Variants in STARD13 observed in about 807,000 individuals in gnomAD.
STARD13 encodes stAR-related lipid transfer protein 13.
A neutral mutation model predicts 106.4 loss-of-function variants in STARD13; 62 were observed. The ratio of observed to expected loss-of-function variants is 0.58; its 90% CI spans 0.48 to 0.72. The LOEUF (loss-of-function observed/expected upper bound fraction) is 0.72, where lower values mean the gene tolerates loss of function less well. Among genes scored for constraint, STARD13 ranks in the 30% least tolerant of loss-of-function variants. The pLI, the probability that STARD13 is intolerant of heterozygous loss-of-function variation, is 0.00. For synonymous variants in STARD13, 565 were observed against 553.0 expected (o/e 1.02, Z -0.31); for missense variants, 1,387 against 1,424.0 (o/e 0.97, Z 0.42).
the STARD13 span, among the ~76,000 whole-genome samples, chr13:33,418,653 C>G: frequency 6.6e-6 from 1 of 152,202 alleles, no homozygotes; most frequent in Non-Finnish European, 1.5e-5. Flanking sequence ...GGTCCCTGAC[C>G]CCCGTGTAGC....
chr13:33,659,350 C>T, the STARD13 span, among the ~76,000 whole-genome samples: 5 of 151,442 alleles, frequency 3.3e-5, no homozygotes, highest in Admixed American at 1.3e-4. Context: ...TGAGTAGCTG[C>T]GACTACAGGC....
the STARD13 span, among the ~76,000 whole-genome samples, chr13:33,630,493 ATTGCGTACC>A: frequency 2.6e-5 from 4 of 152,178 alleles, no homozygotes; most frequent in Admixed American, 2.6e-4. Context: ...AGAGGTGTAG[ATTGCGTACC>A]TTGCGTGCAG....
At chr13:33,528,224 GTGTATATATATATA>G in the STARD13 span, among the ~76,000 whole-genome samples, 1 of 109,264 alleles carries the variant, frequency 9.2e-6, no homozygotes, top group African/African-American at 5.5e-5. Flanking sequence ...GTGTGTGTGT[GTGTATATATATATA>G]TATACATATA....
At chr13:33,105,740 G>T in intron 13 of STARD13, 30 bp from the exon 14 acceptor site, 1 of 1,575,252 alleles carries the variant, frequency 6.3e-7, no homozygotes, top group Non-Finnish European at 8.7e-7. Flanking sequence ...AAAGGAAGTG[G>T]GAAAGTTTGT....
the STARD13 span, among the ~76,000 whole-genome samples, chr13:33,664,032 G>A: frequency 6.6e-6 from 1 of 152,190 alleles, no homozygotes; most frequent in African/African-American, 2.4e-5. Context: ...AGGAACGCAA[G>A]CTGGGTTGTA....
At chr13:33,450,505 A>G in the STARD13 span, among the ~76,000 whole-genome samples, 264 of 152,290 alleles carry the variant, frequency 1.7e-3, no homozygotes, top group African/African-American at 6.1e-3. Flanking sequence ...TGTGTTCATT[A>G]GGGATATTAA....
At chr13:33,568,641 G>A in the STARD13 span, among the ~76,000 whole-genome samples, 1 of 147,864 alleles carries the variant, frequency 6.8e-6, no homozygotes, top group African/African-American at 2.5e-5. Context: ...AGTTTCTTGG[G>A]TTGTTGATTA....
At chr13:33,651,498 A>C in the STARD13 span, among the ~76,000 whole-genome samples, 10 of 152,224 alleles carry the variant, frequency 6.6e-5, no homozygotes, top group Admixed American at 2.0e-4. Context: ...CATTCTTAAA[A>C]ATATCTGGTT....
the STARD13 span, among the ~76,000 whole-genome samples, chr13:33,636,220 A>T: frequency 6.6e-6 from 1 of 151,736 alleles, no homozygotes; most frequent in Admixed American, 6.6e-5. Context: ...AATGCTCAGT[A>T]TATGGTAGTA....
chr13:33,499,528 C>CT, the STARD13 span, among the ~76,000 whole-genome samples: 1,573 of 43,506 alleles, frequency 0.036, 120 homozygotes, highest in Middle Eastern at 0.054. Context: ...CTTTCTTCTT[C>CT]TTCTTCTTCT....
the STARD13 span, among the ~76,000 whole-genome samples, chr13:33,498,964 C>A: frequency 6.6e-6 from 1 of 152,092 alleles, no homozygotes; most frequent in African/African-American, 2.4e-5. Context: ...ATGGTGAAAC[C>A]CCGTCTCTAC....
At chr13:33,629,855 C>T in the STARD13 span, among the ~76,000 whole-genome samples, 3 of 152,074 alleles carry the variant, frequency 2.0e-5, no homozygotes, top group East Asian at 1.9e-4. Flanking sequence ...ACACTATCTC[C>T]GGTTGTAAAT....
chr13:33,620,587 T>C, the STARD13 span, among the ~76,000 whole-genome samples: 1 of 152,072 alleles, frequency 6.6e-6, no homozygotes, highest in African/African-American at 2.4e-5. Flanking sequence ...CCGGCCAGAA[T>C]ATGCATTCTT....
chr13:33,586,329 C>T, the STARD13 span, among the ~76,000 whole-genome samples: 1 of 152,040 alleles, frequency 6.6e-6, no homozygotes, highest in Non-Finnish European at 1.5e-5. Context: ...GGGTTATCGC[C>T]CTTTCCTGCT....
the STARD13 span, among the ~76,000 whole-genome samples, chr13:33,512,544 T>G: frequency 6.6e-6 from 1 of 152,228 alleles, no homozygotes; most frequent in East Asian, 1.9e-4. Flanking sequence ...TGCGGCTCAC[T>G]GCAAACTCCA....
Position 33,103,785 on chromosome 13 carries a change from C to T in STARD13, c.*1808G>A, listed in dbSNP as rs1873369207. ...ACCAGTGTTTAGCTAGATTAAACTT[C>T]ACTGGTGATCTTGTTGATGCATATA... On this transcript the variant is annotated 3_prime_UTR_variant, in exon 14 of 14. Coordinates refer to ENST00000336934, the MANE Select transcript of STARD13 (RefSeq NM_178006.4). The T allele has an allele frequency of 6.6e-6, 1 of 152,228 alleles. No homozygotes were observed. Among genetic ancestry groups the T allele is most frequent in the Admixed American group, 6.5e-5 (1 of 15,286 alleles). 9.4% of individuals were successfully genotyped at this position (152,228 alleles called of 1,614,324 possible).
intron 1 of STARD13, among the ~76,000 whole-genome samples, chr13:33,296,228 CA>C (rs35565794): frequency 0.94 from 135,849 of 144,350 alleles, 64,131 homozygotes; most frequent in East Asian, 1. Flanking sequence ...GACTTCATCT[CA>C]AAAAAAAAAA....
the STARD13 span, among the ~76,000 whole-genome samples, chr13:33,615,348 G>A: frequency 1.3e-5 from 2 of 152,184 alleles, no homozygotes; most frequent in Non-Finnish European, 2.9e-5. Flanking sequence ...GATGCTGAGT[G>A]TGGACAGCTG....
the STARD13 span, among the ~76,000 whole-genome samples, chr13:33,369,915 G>A: frequency 1.3e-5 from 2 of 152,116 alleles, no homozygotes; most frequent in Non-Finnish European, 2.9e-5. Flanking sequence ...GATGTTTCTA[G>A]TGTTACATTC....
Sources: allele counts gnomAD v4.1 joint callset (sites outside exome capture counted in the v4.1 genomes callset), GRCh38; gene constraint gnomAD v4.1.1; transcripts MANE v1.5; gene names NCBI Gene and HGNC (gene_info 2026-07-23, HGNC 2026-07-21).